Variants in ZNF695 observed in about 807,000 individuals in gnomAD.
ZNF695 encodes the protein zinc finger protein SBZF3.
A neutral mutation model predicts 11.2 loss-of-function variants in ZNF695; 11 were observed. The ratio of observed to expected loss-of-function variants is 0.98; its 90% CI spans 0.62 to 1.62. The LOEUF (loss-of-function observed/expected upper bound fraction) is 1.62, where lower values mean the gene tolerates loss of function less well. Among genes scored for constraint, ZNF695 ranks in the 40% most tolerant of loss-of-function variants. The pLI is 0.00. For missense variants in ZNF695, 559 were observed against 590.5 expected, an observed-to-expected ratio of 0.95 and a Z score of 0.55; for synonymous variants, 190 against 201.4, an observed-to-expected ratio of 0.94 and a Z score of 0.48.
chr1:246,958,203 T>G (rs572614256), intron 5 of ZNF695, among the ~76,000 whole-genome samples: 2 of 151,408 alleles, frequency 1.3e-5, no homozygotes, highest in Non-Finnish European at 2.9e-5. Context: ...GGACTACAGG[T>G]GCACACCACC....
intron 4 of ZNF695, among the ~76,000 whole-genome samples, chr1:246,978,937 A>G (rs7555643): frequency 0.53 from 80,444 of 152,064 alleles, 25,313 homozygotes; most frequent in East Asian, 0.97. Context: ...AGTAAGATAC[A>G]GTGATCGTGA....
downstream of ZNF695, among the ~76,000 whole-genome samples, chr1:246,981,796 A>G (rs897829015): frequency 6.6e-6 from 1 of 152,172 alleles, no homozygotes; most frequent in African/African-American, 2.4e-5. Context: ...CCCCAAAATC[A>G]CTGAGGAAAT....
chr1:246,978,372 T>C (rs1230133953), intron 4 of ZNF695, among the ~76,000 whole-genome samples: 1 of 152,260 alleles, frequency 6.6e-6, no homozygotes, highest in East Asian at 1.9e-4. Flanking sequence ...GAATGTAATA[T>C]TCAATCCCAT....
chr1:246,974,945 T>C (rs1668520985), intron 4 of ZNF695, among the ~76,000 whole-genome samples: 1 of 152,222 alleles, frequency 6.6e-6, no homozygotes, highest in Non-Finnish European at 1.5e-5. Flanking sequence ...TGGAAGGTCT[T>C]TGTATGGCTG....
chr1:246,974,651 G>A (rs1668512774), intron 4 of ZNF695, among the ~76,000 whole-genome samples: 2 of 152,194 alleles, frequency 1.3e-5, no homozygotes, highest in African/African-American at 2.4e-5. Flanking sequence ...AGGTGAGAGG[G>A]AGAGAAGGAG....
Position 246,987,037 on chromosome 1 carries a change from T to A in ZNF695, c.1478A>T (p.Lys493Met). 1 of 1,613,692 alleles carries A rather than the reference T, an allele frequency of 6.2e-7. No individual in the cohort carries two copies. Among genetic ancestry groups the A allele is most frequent in the Non-Finnish European group, 8.5e-7 (1 of 1,179,856 alleles). ...AAAGGCTTTGCCACATTCCTCACACTTGTATGGTTTCTCTCTGGTATGAAT... is the reference window on the plus strand; with the variant it reads ...AAAGGCTTTGCCACATTCCTCACACATGTATGGTTTCTCTCTGGTATGAAT... ...KTIHTREKPY[K>M]CEECGKAFNH... Residue 493 changes from lysine to methionine, a missense_variant, in exon 4 of 4, where the codon AAG becomes ATG. By Grantham distance (95) the Lys-to-Met change is moderately conservative. Coordinates refer to ENST00000339986, the MANE Select transcript of ZNF695 (RefSeq NM_020394.5).
intron 5 of ZNF695, among the ~76,000 whole-genome samples, chr1:246,950,895 C>A (rs1667856299): frequency 6.6e-6 from 1 of 152,016 alleles, no homozygotes; most frequent in Non-Finnish European, 1.5e-5. Flanking sequence ...AAAACAGTAG[C>A]TATTCTTATG....
At chr1:246,953,693 T>C (rs938555640) in intron 5 of ZNF695, among the ~76,000 whole-genome samples, 3 of 151,958 alleles carry the variant, frequency 2.0e-5, no homozygotes, top group East Asian at 3.9e-4. Context: ...GAGGACAAGG[T>C]AGGTGGGTCA....
rs1431369994 is a variant in ZNF695, at chr1:246,987,834, A to G, written c.681T>C (p.Phe227=). The change falls in exon 4 of 4, where the codon TTT becomes TTC. Residue 227 remains phenylalanine (F), a synonymous_variant. Coordinates refer to ENST00000339986, the MANE Select transcript of ZNF695 (RefSeq NM_020394.5). ...CAACATGAATTCTCTTACAGTCAGT[A>G]AAGCATGAGCACTCATTAAAGGCTT... ...CGKAFNECSC[F]TDCKRIHVGE... is the part of the protein sequence containing the mutation. 6.2e-7 allele frequency: 1 copy of G among 1,611,690 alleles called. No homozygotes were observed. The highest frequency in any genetic ancestry group is 2.2e-5 in the East Asian group (1 of 44,882).
chr1:246,967,708 T>C, exon 5 of ZNF695: 1 of 397,970 alleles, frequency 2.5e-6, no homozygotes, highest in Non-Finnish European at 5.0e-6. Flanking sequence ...TCTGTGGGCT[T>C]TACATGCTTC....
Position 246,988,218 on chromosome 1 carries a change from C to T in ZNF695, c.297G>A (p.Glu99=), listed in dbSNP as rs1313497371. The change falls in exon 4 of 4, where the codon GAG becomes GAA. Residue 99 remains glutamate (E), a synonymous_variant. Transcript: ENST00000339986. ...TTTGGAATGAAACTTGCAGGCCCTG[C>T]TCTGGCAAAATGTCTTCAGTAAGAT... ...SSYLTEDILP[E]QGLQVSFQKV... is the part of the protein sequence containing the mutation. 1 of 1,586,084 alleles carries T rather than the reference C, an allele frequency of 6.3e-7. No homozygotes were observed. Among genetic ancestry groups the T allele is most frequent in the Non-Finnish European group, 8.5e-7 (1 of 1,169,996 alleles).
chr1:246,945,647 T>A, downstream of ZNF695: 1 of 731,514 alleles, frequency 1.4e-6, no homozygotes, highest in African/African-American at 1.8e-5. Flanking sequence ...AGAACAATCT[T>A]CCTTTCATAT....
chr1:246,950,031 A>T (rs1667834084), intron 5 of ZNF695, among the ~76,000 whole-genome samples: 1 of 152,184 alleles, frequency 6.6e-6, no homozygotes. Flanking sequence ...GCCTCATTTT[A>T]CGAAATAAAA....
rs760018211 is a variant in ZNF695 at position 246,987,749 on chromosome 1, C to G, written c.766G>C (p.Ala256Pro). ...NNIFKSCSSL[A>P]VVEKNHTEKK... ...TCAGTATGATTTTTCTCAACAACAG[C>G]AAGACTTGAGCAAGACTTAAAAATG... is the stretch of plus-strand genomic sequence containing the variant. Residue 256 changes from alanine (A) to proline (P), a missense_variant, in exon 4 of 4, where the codon GCT becomes CCT. Physicochemically the swap from Ala to Pro is conservative, Grantham distance 27. Coordinates refer to ENST00000339986, the MANE Select transcript of ZNF695 (RefSeq NM_020394.5). 1 of 1,589,054 alleles carries G rather than the reference C, an allele frequency of 6.3e-7. No homozygotes were observed. Among genetic ancestry groups the G allele is most frequent in the Non-Finnish European group, 8.5e-7 (1 of 1,171,792 alleles).
Position 246,987,938 on chromosome 1 carries a change from A to G in ZNF695, c.577T>C (p.Ser193Pro), listed in dbSNP as rs1470162635. Residue 193 changes from serine (S) to proline (P), a missense_variant, in exon 4 of 4, where the codon TCT (serine) becomes CCT (proline). Ser to Pro is a moderately conservative substitution (Grantham distance 74). Transcript: ENST00000339986. ...TGAGTCATTATTAAAGACATGCAAG[A>G]GACATTGCCACATTCTTTGCATTTG... ...PFKCKECGNV[S>P]CMSLIMTQQQ... 6.2e-7 allele frequency: 1 copy of G among 1,611,798 alleles called. No individual in the cohort carries two copies. Among genetic ancestry groups the G allele is most frequent in the South Asian group, 1.1e-5 (1 of 90,518 alleles).
intron 5 of ZNF695, among the ~76,000 whole-genome samples, chr1:246,952,395 G>A (rs1014702265): frequency 2.0e-5 from 3 of 152,202 alleles, no homozygotes; most frequent in Non-Finnish European, 4.4e-5. Context: ...CAGTTTGCAA[G>A]TTGTTTTCCT....
intron 4 of ZNF695, among the ~76,000 whole-genome samples, chr1:246,970,080 T>A (rs1012145184): frequency 6.6e-6 from 1 of 152,224 alleles, no homozygotes; most frequent in Non-Finnish European, 1.5e-5. Flanking sequence ...ATTGCTATCA[T>A]AGCACTTAGT....
intron 5 of ZNF695, among the ~76,000 whole-genome samples, chr1:246,951,378 C>A (rs147139571): frequency 2.0e-5 from 3 of 152,226 alleles, no homozygotes; most frequent in African/African-American, 7.2e-5. Flanking sequence ...GAGATGGCCA[C>A]GTCGAAGGTG....
intron 3 of ZNF695, among the ~76,000 whole-genome samples, chr1:246,994,816 G>A (rs1321081738): frequency 6.7e-6 from 1 of 148,630 alleles, no homozygotes; most frequent in Non-Finnish European, 1.5e-5. Context: ...CAGCCTGGGC[G>A]ACAGAGCAAG....
Sources: allele counts gnomAD v4.1 joint callset (sites outside exome capture counted in the v4.1 genomes callset), GRCh38; gene constraint gnomAD v4.1.1; transcripts MANE v1.5; gene names NCBI Gene and HGNC (gene_info 2026-07-23, HGNC 2026-07-21).